The following VPS13A variants were observed in gnomAD, a reference collection of about 807,000 sequenced individuals.
The protein encoded by VPS13A is intermembrane lipid transfer protein VPS13A.
VPS13A carries 264 observed loss-of-function variants against 390.9 expected under a neutral mutation model. The ratio of observed to expected loss-of-function variants is 0.68; its 90% confidence interval spans 0.61 to 0.75. The LOEUF is 0.75. Among genes scored for constraint, VPS13A ranks in the 30% least tolerant of loss-of-function variants. The pLI is 0.00. For synonymous variants in VPS13A, 1,231 were observed against 1,227.1 expected, an observed-to-expected ratio of 1.00 and a Z score of -0.07; for missense variants, 3,409 against 3,733.9, an observed-to-expected ratio of 0.91 and a Z score of 2.27.
At chr9:77,406,917 T>C (rs1183317630) in intron 70 of VPS13A, among the ~76,000 whole-genome samples, 1 of 152,148 alleles carries the variant, frequency 6.6e-6, no homozygotes, top group African/African-American at 2.4e-5. Flanking sequence ...ATATGCTTAA[T>C]ATCTGCTCTG....
chr9:77,411,387 G>A (rs1382989338), intron 71 of VPS13A, among the ~76,000 whole-genome samples: 1 of 152,056 alleles, frequency 6.6e-6, no homozygotes, highest in Non-Finnish European at 1.5e-5. Flanking sequence ...AACTAGGCCG[G>A]GCACAGTGGC....
At chr9:77,390,223 T>A in intron 68 of VPS13A, 1 of 645,366 alleles carries the variant, frequency 1.5e-6, no homozygotes, top group Non-Finnish European at 1.9e-6. Flanking sequence ...GAAGGATACT[T>A]CTGAATGGGA....
At chr9:77,407,341 T>G (rs1483163912) in intron 70 of VPS13A, among the ~76,000 whole-genome samples, 192 bp from the exon 71 acceptor site, 1 of 152,200 alleles carries the variant, frequency 6.6e-6, no homozygotes, top group African/African-American at 2.4e-5. Flanking sequence ...AATGGTTGTG[T>G]TATTAATAGA....
chr9:77,383,561 G>C (rs1833546769), intron 68 of VPS13A, among the ~76,000 whole-genome samples: 1 of 151,988 alleles, frequency 6.6e-6, no homozygotes, highest in South Asian at 2.1e-4. Context: ...GTTGAGGAGA[G>C]TTTAGGAATA....
intron 45 of VPS13A, among the ~76,000 whole-genome samples, chr9:77,330,196 T>G (rs1365145602): frequency 6.6e-6 from 1 of 152,116 alleles, no homozygotes; most frequent in Non-Finnish European, 1.5e-5. Flanking sequence ...TTTAATATTT[T>G]GTAGAGACAG....
chr9:77,413,150 C>T (rs1342084331), intron 71 of VPS13A, among the ~76,000 whole-genome samples: 4 of 152,266 alleles, frequency 2.6e-5, no homozygotes, highest in Admixed American at 1.3e-4. Context: ...GAATCAATAT[C>T]ATGAAAATGC....
intron 68 of VPS13A, among the ~76,000 whole-genome samples, chr9:77,399,167 T>TAAAAAAAA (rs763173093): frequency 4.7e-5 from 4 of 86,014 alleles, no homozygotes; most frequent in Admixed American, 1.2e-4. Flanking sequence ...TAGAGTATAA[T>TAAAAAAAA]AAAAAAAAAA....
chr9:77,212,928 G>A (rs376299838), intron 7 of VPS13A, 41 bp from the exon 8 acceptor site: 3 of 1,600,010 alleles, frequency 1.9e-6, no homozygotes, highest in South Asian at 1.1e-5. Flanking sequence ...TGTTTCAAAT[G>A]GAATGACCTT....
intron 71 of VPS13A, 33 bp from the exon 72 acceptor site, chr9:77,415,923 G>A: frequency 6.2e-7 from 1 of 1,611,828 alleles, no homozygotes; most frequent in Non-Finnish European, 8.5e-7. Flanking sequence ...GTTCACTGAA[G>A]TAAGCAAATG....
At chr9:77,301,957 AT>A (rs397978087) in intron 33 of VPS13A, among the ~76,000 whole-genome samples, 341 of 73,574 alleles carry the variant, frequency 4.6e-3, no homozygotes, top group Middle Eastern at 0.015. Context: ...ACATAGAGAT[AT>A]TTTTTTTTTT....
At chr9:77,187,563 A>G (rs1824411950) in intron 1 of VPS13A, among the ~76,000 whole-genome samples, 1 of 151,858 alleles carries the variant, frequency 6.6e-6, no homozygotes, top group African/African-American at 2.4e-5. Flanking sequence ...CCATCTTTTA[A>G]TCAGGTTGTT....
At chr9:77,206,818 T>G (rs1225454284) in intron 5 of VPS13A, among the ~76,000 whole-genome samples, 3 of 152,144 alleles carry the variant, frequency 2.0e-5, no homozygotes, top group African/African-American at 7.2e-5. Flanking sequence ...AATTAAAAAG[T>G]TTACTGACTT....
intron 52 of VPS13A, among the ~76,000 whole-genome samples, chr9:77,347,026 C>T (rs918063953): frequency 4.6e-5 from 7 of 152,194 alleles, no homozygotes. Flanking sequence ...TTTCTCTATT[C>T]TGTTCCATTG....
rs199970444 is a variant in VPS13A at position 77,227,441 on chromosome 9, A to G, written c.1408A>G (p.Ile470Val). ...AGAAAAAGCTTTACTCTATGAAGCA[A>G]TTGGCTATAGTGAAACAGCAGTTGA... Reference protein sequence around the residue: ...PEEKALLYEAIGYSETAVDPT... With the variant: ...PEEKALLYEAVGYSETAVDPT... Residue 470 changes from isoleucine (I) to valine (V), a missense_variant, in exon 16 of 72, where the codon ATT becomes GTT. Physicochemically the swap from Ile to Val is conservative, Grantham distance 29. This residue lies in a region of VPS13A where 2,717 missense variants were observed against 2,917.4 expected (regional missense o/e 0.93). Coordinates refer to ENST00000360280, the MANE Select transcript of VPS13A (RefSeq NM_033305.3). 1.9e-5 allele frequency: 31 copies of G among 1,613,728 alleles called. No individual in the cohort carries two copies. Among genetic ancestry groups the G allele is most frequent in the Middle Eastern group, 1.7e-4 (1 of 6,056 alleles).
intron 68 of VPS13A, chr9:77,384,819 A>G (rs1302323230): frequency 6.8e-7 from 1 of 1,474,366 alleles, no homozygotes; most frequent in South Asian, 1.4e-5. Flanking sequence ...ACATTTTCAT[A>G]AAGCAAAATA....
In VPS13A at chr9:77,345,042, G is replaced by T. The variant is rs1426405083; in HGVS notation, c.7189G>T (p.Glu2397Ter). 5.0e-6 allele frequency: 8 copies of T among 1,612,600 alleles called. No homozygotes were observed. The highest frequency in any genetic ancestry group is 1.1e-5 in the South Asian group (1 of 91,078). Residue 2397 changes from glutamate to a stop codon, truncating the protein, a stop_gained, in exon 52 of 72, where the codon GAG (glutamate) becomes TAG (stop). Coordinates refer to ENST00000360280, the MANE Select transcript of VPS13A (RefSeq NM_033305.3). LOFTEE classifies it high-confidence loss of function. ...GGIIAEVNLA[E>*]HSTVITFLDY... ...TATTATAGCAGAAGTGAATTTGGCC[G>T]AGCATTCTACAGTTATTACATTTTT...
chr9:77,313,430 C>T (rs1263022447), intron 35 of VPS13A, among the ~76,000 whole-genome samples: 3 of 152,108 alleles, frequency 2.0e-5, no homozygotes, highest in Non-Finnish European at 4.4e-5. Context: ...ATTGAAAATA[C>T]ATTACCTGGC....
At chr9:77,193,743 C>T (rs1824823496) in intron 1 of VPS13A, among the ~76,000 whole-genome samples, 2 of 152,200 alleles carry the variant, frequency 1.3e-5, no homozygotes, top group Admixed American at 6.5e-5. Flanking sequence ...TGCCCTGATT[C>T]TTTCTCATCT....
chr9:77,329,646 A>G (rs1415343502), intron 45 of VPS13A, among the ~76,000 whole-genome samples: 1 of 152,224 alleles, frequency 6.6e-6, no homozygotes, highest in Non-Finnish European at 1.5e-5. Flanking sequence ...TATGACAGTG[A>G]GGCACTTAGT....
Sources: allele counts gnomAD v4.1 joint callset (sites outside exome capture counted in the v4.1 genomes callset), GRCh38; gene constraint gnomAD v4.1.1; regional missense constraint gnomAD v4.1.1; transcripts MANE v1.5; gene names NCBI Gene and HGNC (gene_info 2026-07-23, HGNC 2026-07-21).